Variants in NLE1 observed in about 807,000 individuals in gnomAD.
The protein encoded by NLE1 is notchless protein homolog 1.
Under a neutral mutation model 62.8 loss-of-function variants are expected in NLE1, and 37 were observed. The observed-to-expected ratio is 0.59, with a 90% CI of 0.45 to 0.78. The LOEUF (loss-of-function observed/expected upper bound fraction) is 0.78. Among genes scored for constraint, NLE1 ranks in the 30% least tolerant of loss-of-function variants. NLE1 has a pLI of 0.00. For synonymous variants in NLE1, 243 were observed against 253.0 expected (o/e 0.96, Z 0.37); for missense variants, 555 against 637.9 (o/e 0.87, Z 1.40).
At chr17:35,133,112 A>T in intron 12 of NLE1, 59 bp downstream of exon 12, 1 of 1,501,596 alleles carries the variant, frequency 6.7e-7, no homozygotes, top group Non-Finnish European at 9.3e-7. Flanking sequence ...AAGTGTGCAC[A>T]GAAGGACCTT....
In NLE1 at chr17:35,140,058, G is replaced by A. The variant is rs1334212676; in HGVS notation, c.171C>T (p.Pro57=). Residue 57 remains proline (P), a synonymous_variant, in exon 3 of 13, where the codon CCC becomes CCT. Transcript: ENST00000442241. ...CGTGGACAAAGAAAGCCAGTGGCAG[G>A]GGATCCTCCTGAAGGACAATGGTAA... is the stretch of plus-strand genomic sequence containing the variant. The part of the protein sequence containing the change: ...VCNALLAQED[P]LPLAFFVHDA... 1 of 1,613,188 alleles carries A rather than the reference G, an allele frequency of 6.2e-7. No individual in the cohort carries two copies.
At position 35,140,401 on chromosome 17, in the gene NLE1, A is replaced by C. The variant is rs114001547; in HGVS notation, c.163-335T>G. On this transcript the variant is annotated intron_variant, in intron 2 of 12. Coordinates refer to ENST00000442241, the MANE Select transcript of NLE1 (RefSeq NM_018096.5). Reference sequence around the variant, plus strand: ...CCATCACCACGCCTGGCTAAGTTTTATATTTTTAGTAGATACGGGGTTTCG... The same window carrying C: ...CCATCACCACGCCTGGCTAAGTTTTCTATTTTTAGTAGATACGGGGTTTCG... 8.2e-3 allele frequency among the ~76,000 whole-genome samples: 1,171 copies of C among 142,814 alleles called. 18 individuals carry two copies. Among genetic ancestry groups the C allele is most frequent in the African/African-American group, 0.029 (1,125 of 38,540 alleles). The allele number at this position is 142,814 out of a possible 152,430, so 93.7% of individuals were successfully genotyped here.
chr17:35,130,376 C>A lies in NLE1; in HGVS notation c.*2061G>T. On this transcript the variant is annotated 3_prime_UTR_variant, in exon 13 of 13. Transcript: ENST00000442241. ...AAGGAACCCCGGCAAAAGATCGTGT[C>A]CATCGGGCCGGAGGAGATGCGGAGG... 1 of 1,614,136 alleles carries A rather than the reference C, an allele frequency of 6.2e-7. No homozygotes were observed. The highest frequency in any genetic ancestry group is 1.1e-5 in the South Asian group (1 of 91,088).
At chr17:35,135,831 G>A (rs2091905196) in intron 9 of NLE1, among the ~76,000 whole-genome samples, 1 of 152,172 alleles carries the variant, frequency 6.6e-6, no homozygotes, top group Admixed American at 6.5e-5. Flanking sequence ...GATACTGGTG[G>A]CACTGGATGC....
rs143760912 is a variant in NLE1 at position 35,137,831 on chromosome 17, C to G, written c.520G>C (p.Gly174Arg). 7 of 1,613,580 alleles carry G rather than the reference C, an allele frequency of 4.3e-6. No homozygotes were observed. Among genetic ancestry groups the G allele is most frequent in the Non-Finnish European group, 5.9e-6 (7 of 1,179,702 alleles). The change falls in exon 5 of 13, where the codon GGC becomes CGC. Residue 174 changes from glycine (G) to arginine (R), a missense_variant. Transcript: ENST00000442241. Reference sequence around the variant, plus strand: ...CTACCTACCTGGCCATTCTTGCAGCCTGAGGCCAGCTTCCTGCCATCTGGA... The same window carrying G: ...CTACCTACCTGGCCATTCTTGCAGCGTGAGGCCAGCTTCCTGCCATCTGGA... ...WSPDGRKLAS[G>R]CKNGQILLWD...
At position 35,129,502 on chromosome 17, in the gene NLE1, G is replaced by C. The variant is rs192174963; in HGVS notation, c.*2935C>G. 1.9e-5 allele frequency: 30 copies of C among 1,614,204 alleles called. No individual in the cohort carries two copies. In the Middle Eastern group the frequency reaches 4.9e-4, roughly 27 times the overall value. On this transcript the variant is annotated 3_prime_UTR_variant, in exon 13 of 13. Transcript: ENST00000442241. ...TACAGGAGGTGGCCAAGACACAGGA[G>C]AATGAGTTGCCCGAGGCAAAGAATC...
At chr17:35,140,616 A>G (rs578169105) in intron 2 of NLE1, among the ~76,000 whole-genome samples, 27 of 150,324 alleles carry the variant, frequency 1.8e-4, no homozygotes, top group Admixed American at 1.7e-3. Context: ...TTTGAGATGG[A>G]GTCTCGTTCT....
rs1051884737 is a variant in NLE1 at position 35,131,114 on chromosome 17, T to C, written c.*1323A>G. ...GAGGGCATGGGCTAATCATTTCTTA[T>C]GTTGTTTCCTCATCAAAAGTTTTGG... On this transcript the variant is annotated 3_prime_UTR_variant, in exon 13 of 13. Coordinates refer to ENST00000442241, the MANE Select transcript of NLE1 (RefSeq NM_018096.5). 2.0e-5 allele frequency: 3 copies of C among 152,236 alleles called. No individual in the cohort carries two copies. The highest frequency in any genetic ancestry group is 1.9e-4 in the East Asian group (1 of 5,198). The allele number at this position is 152,236 out of a possible 1,614,324, so 9.4% of individuals were successfully genotyped here.
At chr17:35,133,930 C>A (rs185948414) in intron 10 of NLE1, among the ~76,000 whole-genome samples, 34 of 152,298 alleles carry the variant, frequency 2.2e-4, no homozygotes, top group Admixed American at 1.2e-3. Context: ...CTCTGAGACT[C>A]ATTTTCCTTA....
At chr17:35,141,338 G>A (rs528161284) in intron 2 of NLE1, among the ~76,000 whole-genome samples, 2 of 152,120 alleles carry the variant, frequency 1.3e-5, no homozygotes, top group Admixed American at 6.5e-5. Flanking sequence ...ACGAGGTCAA[G>A]AGATCGAGAC....
rs776328487 is a variant in NLE1, at chr17:35,140,002, G to A, written c.227C>T (p.Thr76Met). The A allele has an allele frequency of 4.3e-6, 7 of 1,613,978 alleles. No homozygotes were observed. Among genetic ancestry groups the A allele is most frequent in the Admixed American group, 1.7e-5 (1 of 60,004 alleles). The change falls in exon 3 of 13, where the codon ACG becomes ATG. Residue 76 changes from threonine to methionine, a missense_variant. Physicochemically the swap from Thr to Met is moderately conservative, Grantham distance 81 (BLOSUM62 -1). Transcript: ENST00000442241. ...DAEIVSSLGK[T>M]LESQAVETEK... ...TGTCTCCACTGCCTGGGACTCCAAC[G>A]TCTTCCCCAGTGAGGAGACGATCTC...
rs1316985382 is a variant in NLE1 at position 35,130,617 on chromosome 17, C to G, written c.*1820G>C. The stretch of plus-strand genomic sequence containing the variant: ...CATAGGGGCCCCATTCACCTGGAGG[C>G]ATCTCAGGCCAGGCCATGCCAGGCT... On this transcript the variant is annotated 3_prime_UTR_variant, in exon 13 of 13. Coordinates refer to ENST00000442241, the MANE Select transcript of NLE1 (RefSeq NM_018096.5). 1.6e-6 allele frequency: 1 copy of G among 614,774 alleles called. No homozygotes were observed. The highest frequency in any genetic ancestry group is 2.8e-6 in the Non-Finnish European group (1 of 356,636). The allele number at this position is 614,774 out of a possible 1,614,324, so 38.1% of individuals were successfully genotyped here. A position where few individuals can be genotyped will look rare whatever the true frequency, so the allele number is the denominator to read the frequency against.
chr17:35,139,783 C>T lies in NLE1; in HGVS notation c.380+66G>A, dbSNP rs1009411232. ...CCCATCAATTATAACTCTGGGAGACCCTCCCCAAACCAGGCAAAGACTGCA... is the reference window on the plus strand; with the variant it reads ...CCCATCAATTATAACTCTGGGAGACTCTCCCCAAACCAGGCAAAGACTGCA... On this transcript the variant is annotated intron_variant, in intron 3 of 12. Transcript: ENST00000442241. The T allele has an allele frequency of 2.0e-5, 31 of 1,575,480 alleles. No individual in the cohort carries two copies. The Admixed American group carries it at 3.7e-4, about 19-fold the overall frequency.
At chr17:35,140,173 A>G (rs2091934363) in intron 2 of NLE1, 107 bp from the exon 3 acceptor site, 1 of 1,321,530 alleles carries the variant, frequency 7.6e-7, no homozygotes, top group Admixed American at 2.2e-5. Flanking sequence ...TCTTCTTTTC[A>G]GCCATCGTGC....
Position 35,137,067 on chromosome 17 carries a change from C to T in NLE1, c.762G>A (p.Trp254Ter). 1 of 1,614,086 alleles carries T rather than the reference C, an allele frequency of 6.2e-7. No individual in the cohort carries two copies. The highest frequency in any genetic ancestry group is 1.1e-5 in the South Asian group (1 of 91,062). ...GHTQSVTCLR[W>*]GGDGLLYSAS... ...CAGAGTAGAGAAGCCCGTCCCCTCC[C>T]CACCGGAGACAGGTGACCGACTGGG... Residue 254 changes from tryptophan to a stop codon, truncating the protein, a stop_gained, in exon 7 of 13, where the codon TGG (tryptophan) becomes TGA (stop). Coordinates refer to ENST00000442241, the MANE Select transcript of NLE1 (RefSeq NM_018096.5). LOFTEE classifies it high-confidence loss of function.
intron 12 of NLE1, 65 bp downstream of exon 12, chr17:35,133,106 G>T: frequency 1.4e-6 from 2 of 1,444,560 alleles, no homozygotes; most frequent in Non-Finnish European, 1.9e-6. Context: ...AAGGGAAAGT[G>T]TGCACAGAAG....
intron 4 of NLE1, among the ~76,000 whole-genome samples, chr17:35,138,874 GT>G (rs2091925621): frequency 6.6e-6 from 1 of 152,110 alleles, no homozygotes; most frequent in African/African-American, 2.4e-5. Context: ...CTCTCACCAT[GT>G]CCCATATTGA....
intron 3 of NLE1, 171 bp downstream of exon 3, chr17:35,139,677 TG>T: frequency 1.1e-6 from 1 of 900,524 alleles, no homozygotes; most frequent in Non-Finnish European, 1.6e-6. Flanking sequence ...AAGCAGCCTT[TG>T]GGGACCATGC....
intron 3 of NLE1, among the ~76,000 whole-genome samples, 186 bp downstream of exon 3, chr17:35,139,663 C>A (rs1233054897): frequency 6.6e-6 from 1 of 152,148 alleles, no homozygotes; most frequent in Non-Finnish European, 1.5e-5. Context: ...AGGCAGGGGT[C>A]CTTAAGCAGC....
Sources: allele counts gnomAD v4.1 joint callset (sites outside exome capture counted in the v4.1 genomes callset), GRCh38; gene constraint gnomAD v4.1.1; transcripts MANE v1.5; gene names NCBI Gene and HGNC (gene_info 2026-07-23, HGNC 2026-07-21).